Variants in MAP7 observed in about 807,000 individuals in gnomAD.
The protein encoded by MAP7 is microtubule associated protein 7.
Under a neutral mutation model 94.8 loss-of-function variants are expected in MAP7, and 52 were observed. That is an observed-to-expected ratio of 0.55 (90% CI 0.44 to 0.69). The LOEUF (loss-of-function observed/expected upper bound fraction) is 0.69. Ranked by LOEUF, MAP7 falls within the 30% of genes least tolerant of loss-of-function variation. The probability of loss-of-function intolerance (pLI) is 0.00; values close to 1 mark genes in which losing one functional copy is unlikely to be tolerated. For synonymous variants in MAP7, 350 were observed against 357.0 expected (o/e 0.98, Z 0.22); for missense variants, 940 against 964.6 (o/e 0.97, Z 0.34).
At chr6:136,432,547 G>A (rs927648150) in intron 1 of MAP7, among the ~76,000 whole-genome samples, 8 of 152,126 alleles carry the variant, frequency 5.3e-5, no homozygotes, top group African/African-American at 1.7e-4. Context: ...GAATGTGAAA[G>A]GTTCCCCGAT....
chr6:136,490,692 A>G (rs975135464), intron 1 of MAP7, among the ~76,000 whole-genome samples: 2 of 152,242 alleles, frequency 1.3e-5, no homozygotes, highest in Non-Finnish European at 2.9e-5. Context: ...GTGAGTCTGA[A>G]TTCATCCTTT....
intron 1 of MAP7, among the ~76,000 whole-genome samples, chr6:136,521,423 C>T (rs951034883): frequency 2.6e-5 from 4 of 152,168 alleles, no homozygotes; most frequent in South Asian, 4.2e-4. Context: ...ATGAGTCTTT[C>T]GTCTTTTGAG....
intron 3 of MAP7, among the ~76,000 whole-genome samples, chr6:136,401,468 C>G (rs544127834): frequency 1.3e-5 from 2 of 152,298 alleles, no homozygotes; most frequent in Non-Finnish European, 2.9e-5. Flanking sequence ...AGGATGAGTT[C>G]TTGTCCTTTG....
chr6:136,360,906 A>G, intron 12 of MAP7, 99 bp downstream of exon 12: 1 of 1,546,684 alleles, frequency 6.5e-7, no homozygotes, highest in Non-Finnish European at 8.8e-7. Flanking sequence ...AAGGTGTGGA[A>G]AGCGGGAGCA....
intron 1 of MAP7, among the ~76,000 whole-genome samples, chr6:136,463,616 A>C (rs566384599): frequency 6.6e-6 from 1 of 152,260 alleles, no homozygotes; most frequent in Non-Finnish European, 1.5e-5. Flanking sequence ...AAGAACTTGC[A>C]TTGTTTTTTA....
chr6:136,449,387 C>T (rs989730224), intron 1 of MAP7, among the ~76,000 whole-genome samples: 1 of 152,144 alleles, frequency 6.6e-6, no homozygotes, highest in African/African-American at 2.4e-5. Context: ...AAGAACAATT[C>T]GAGAATCGTG....
At position 136,502,761 on chromosome 6, in the gene MAP7, C is replaced by A. The variant is rs62422060; in HGVS notation, c.67+47581G>T. 8.4e-3 allele frequency among the ~76,000 whole-genome samples: 1,281 copies of A among 152,244 alleles called. 7 individuals are homozygous for A. Among genetic ancestry groups the A allele is most frequent in the Middle Eastern group, 0.017 (5 of 294 alleles). ...TTTGATATGCTTACTCTAAGCAGAG[C>A]TCTCCTCTCAGGAATTCAGACTGCA... On this transcript the variant is annotated intron_variant, in intron 1 of 17. Coordinates refer to ENST00000354570, the MANE Select transcript of MAP7 (RefSeq NM_003980.6).
intron 1 of MAP7, among the ~76,000 whole-genome samples, chr6:136,498,524 G>C (rs1818942559): frequency 6.6e-6 from 1 of 152,068 alleles, no homozygotes; most frequent in African/African-American, 2.4e-5. Flanking sequence ...TGTGAGTTGA[G>C]ACTCAGGTGT....
chr6:136,467,838 G>C (rs1807615519), intron 1 of MAP7, among the ~76,000 whole-genome samples: 1 of 152,110 alleles, frequency 6.6e-6, no homozygotes, highest in South Asian at 2.1e-4. Context: ...AATGTGAAAA[G>C]GAAAACACAA....
intron 2 of MAP7, among the ~76,000 whole-genome samples, chr6:136,413,938 A>AG (rs1788340593): frequency 6.6e-6 from 1 of 152,034 alleles, no homozygotes; most frequent in Non-Finnish European, 1.5e-5. Context: ...GAACAAGACT[A>AG]GGGGATGGTT....
chr6:136,376,182 T>A (rs1776081724), intron 7 of MAP7, among the ~76,000 whole-genome samples: 1 of 152,056 alleles, frequency 6.6e-6, no homozygotes, highest in Non-Finnish European at 1.5e-5. Flanking sequence ...CACTGCAAGC[T>A]CCGCCTCCCA....
Position 136,377,802 on chromosome 6 carries a change from G to A in MAP7, c.704C>T (p.Ser235Leu), listed in dbSNP as rs543935729. Residue 235 changes from serine to leucine, a missense_variant, in exon 7 of 18, where the codon TCG becomes TTG. Physicochemically the swap from Ser to Leu is moderately radical, Grantham distance 145. Transcript: ENST00000354570. ...TGTGCTTTTACTTCTGGCCAGGAAC[G>A]AATGTGTGGGCGTCAGGAGTCTGTT... ...VVNRLLTPTH[S>L]FLARSKSTAA... 35 of 1,614,132 alleles carry A rather than the reference G, an allele frequency of 2.2e-5. No homozygotes were observed. The highest frequency in any genetic ancestry group is 3.3e-4 in the Middle Eastern group (2 of 6,060).
At chr6:136,351,884 C>T (rs1247850603) in intron 16 of MAP7, among the ~76,000 whole-genome samples, 5 of 152,248 alleles carry the variant, frequency 3.3e-5, no homozygotes, top group Admixed American at 2.0e-4. Context: ...TTAGCATACA[C>T]GTGCTTTTCC....
At chr6:136,348,472 G>A (rs1030004106) in intron 16 of MAP7, among the ~76,000 whole-genome samples, 17 of 152,190 alleles carry the variant, frequency 1.1e-4, no homozygotes, top group African/African-American at 3.4e-4. Flanking sequence ...GTATGGATCC[G>A]TGTGTCCACT....
intron 1 of MAP7, among the ~76,000 whole-genome samples, chr6:136,489,526 CTTTT>C (rs1164047042): frequency 2.9e-5 from 3 of 102,988 alleles, no homozygotes; most frequent in Admixed American, 1.1e-4. Context: ...CATCAGGTTT[CTTTT>C]TTTTTTTTTT....
chr6:136,471,715 C>T (rs1186862662), intron 1 of MAP7, among the ~76,000 whole-genome samples: 1 of 151,880 alleles, frequency 6.6e-6, no homozygotes, highest in African/African-American at 2.4e-5. Flanking sequence ...GAATCTTGCA[C>T]GCGGTCCTTG....
intron 2 of MAP7, among the ~76,000 whole-genome samples, chr6:136,415,404 T>G (rs764415500): frequency 6.6e-6 from 1 of 152,244 alleles, no homozygotes; most frequent in African/African-American, 2.4e-5. Context: ...GTATGTGCCA[T>G]GTCTAGCTTA....
chr6:136,469,976 G>A (rs1436184946), intron 1 of MAP7, among the ~76,000 whole-genome samples: 1 of 152,108 alleles, frequency 6.6e-6, no homozygotes, highest in African/African-American at 2.4e-5. Context: ...CCTGTTCACT[G>A]CCTACCTGCT....
intron 1 of MAP7, among the ~76,000 whole-genome samples, chr6:136,538,488 A>C (rs1829053743): frequency 6.6e-6 from 1 of 152,150 alleles, no homozygotes; most frequent in Non-Finnish European, 1.5e-5. Flanking sequence ...CAAAGGACTT[A>C]AAATTTAAAA....
Sources: gnomAD v4.1 joint callset for allele counts (sites outside exome capture counted in the v4.1 genomes callset) on GRCh38, gnomAD v4.1.1 for gene constraint, MANE v1.5 for transcripts, NCBI Gene and HGNC (gene_info 2026-07-23, HGNC 2026-07-21) for gene names.